Variants in ERMP1 observed in about 807,000 individuals in gnomAD.
The protein encoded by ERMP1 is Felix-ina.
ERMP1 carries 86 observed loss-of-function variants against 92.0 expected under a neutral mutation model. The observed-to-expected ratio is 0.93, with a 90% CI of 0.79 to 1.12. The LOEUF is 1.12. ERMP1 is among the 50% of genes most tolerant of loss of function. The pLI is 0.00. For synonymous variants in ERMP1, 530 were observed against 412.8 expected (o/e 1.28, Z -3.44); for missense variants, 1,342 against 1,116.3 (o/e 1.20, Z -2.88).
In ERMP1 at chr9:5,812,689, C is replaced by T. The variant is rs534067047; in HGVS notation, c.1021+200G>A. ...CCTGTTCTTCTATGGGGAAAGATGA[C>T]ATATTTTAGAGGAGGCCAGCATTTA... is the stretch of plus-strand genomic sequence containing the variant. On this transcript the variant is annotated intron_variant, in intron 5 of 14. Coordinates refer to ENST00000339450, the MANE Select transcript of ERMP1 (RefSeq NM_024896.3). The T allele has an allele frequency of 9.6e-5, 60 of 622,674 alleles. No homozygotes were observed. In the African/African-American group the frequency reaches 1.1e-3, roughly 11 times the overall value. The allele number at this position is 622,674 out of a possible 1,614,324, so 38.6% of individuals were successfully genotyped here. A position where few individuals can be genotyped will look rare whatever the true frequency, so the allele number is the denominator to read the frequency against.
chr9:5,824,356 C>G (rs945052522), intron 3 of ERMP1, among the ~76,000 whole-genome samples: 1 of 152,042 alleles, frequency 6.6e-6, no homozygotes, highest in Non-Finnish European at 1.5e-5. Flanking sequence ...GGAAGATCAC[C>G]CGAGCTCAGG....
At chr9:5,854,828 G>A (rs919305713) in intron 6 of ERMP1, among the ~76,000 whole-genome samples, 5 of 151,996 alleles carry the variant, frequency 3.3e-5, no homozygotes, top group African/African-American at 9.7e-5. Flanking sequence ...CACCCGGCCT[G>A]GTCTTATTAC....
At chr9:5,815,161 C>T (rs751393776) in intron 4 of ERMP1, among the ~76,000 whole-genome samples, 3 of 152,104 alleles carry the variant, frequency 2.0e-5, no homozygotes, top group Admixed American at 6.5e-5. Flanking sequence ...ATTCAAGCCA[C>T]GAATTCAAAA....
intron 5 of ERMP1, among the ~76,000 whole-genome samples, chr9:5,862,680 T>A (rs1830536757): frequency 6.6e-6 from 1 of 152,168 alleles, no homozygotes; most frequent in African/African-American, 2.4e-5. Context: ...TACATAACAT[T>A]GGTGCCTAAA....
At chr9:5,795,666 T>C (rs941403384) in intron 13 of ERMP1, among the ~76,000 whole-genome samples, 6 of 152,050 alleles carry the variant, frequency 3.9e-5, no homozygotes, top group Admixed American at 3.9e-4. Flanking sequence ...TATTCCCAGC[T>C]ACTTGGGAGG....
intron 2 of ERMP1, among the ~76,000 whole-genome samples, chr9:5,826,003 T>C (rs561526558): frequency 6.6e-6 from 1 of 152,280 alleles, no homozygotes; most frequent in South Asian, 2.1e-4. Context: ...TTTTTTTAGG[T>C]GAGGCAATTG....
intron 5 of ERMP1, among the ~76,000 whole-genome samples, chr9:5,861,419 T>C (rs1299594297): frequency 1.3e-5 from 2 of 152,100 alleles, no homozygotes; most frequent in African/African-American, 4.8e-5. Context: ...GCTGGGTTTT[T>C]TTTTACTATT....
chr9:5,813,429 T>C (rs1362123360), intron 4 of ERMP1, among the ~76,000 whole-genome samples: 1 of 152,218 alleles, frequency 6.6e-6, no homozygotes, highest in Non-Finnish European at 1.5e-5. Flanking sequence ...TTATATTAAA[T>C]GCATTTTCCT....
intron 6 of ERMP1, among the ~76,000 whole-genome samples, chr9:5,844,616 G>A (rs139718761): frequency 1.7e-4 from 26 of 152,296 alleles, no homozygotes; most frequent in African/African-American, 5.8e-4. Flanking sequence ...GAACTAAAGA[G>A]AAACTTCTGC....
At chr9:5,813,961 A>T (rs1385032915) in intron 4 of ERMP1, among the ~76,000 whole-genome samples, 1 of 151,600 alleles carries the variant, frequency 6.6e-6, no homozygotes, top group Non-Finnish European at 1.5e-5. Flanking sequence ...AGGATTATAC[A>T]TTCCTACTCT....
chr9:5,826,467 C>T (rs1829735531), intron 2 of ERMP1, among the ~76,000 whole-genome samples: 1 of 152,208 alleles, frequency 6.6e-6, no homozygotes, highest in Non-Finnish European at 1.5e-5. Context: ...CAGTGCCTAG[C>T]ACCTGGTAGG....
At chr9:5,831,404 G>C (rs1829934081) in intron 1 of ERMP1, among the ~76,000 whole-genome samples, 1 of 152,138 alleles carries the variant, frequency 6.6e-6, no homozygotes, top group Non-Finnish European at 1.5e-5. Flanking sequence ...TCAGGAGTTT[G>C]AGACCAGCCT....
intron 4 of ERMP1, among the ~76,000 whole-genome samples, chr9:5,822,297 A>C (rs373488983): frequency 2.8e-4 from 42 of 152,246 alleles, no homozygotes; most frequent in South Asian, 2.1e-3. Flanking sequence ...CTCTATAATA[A>C]TGTATCTACT....
intron 6 of ERMP1, chr9:5,856,054 A>G: frequency 2.6e-6 from 1 of 386,228 alleles, no homozygotes; most frequent in South Asian, 2.4e-5. Context: ...CCCTGCTGCA[A>G]GGAGGGTGAA....
At chr9:5,860,130 C>G (rs1348571824) in intron 5 of ERMP1, among the ~76,000 whole-genome samples, 4 of 52,228 alleles carry the variant, frequency 7.7e-5, no homozygotes, top group South Asian at 1.3e-3. Context: ...GACCTTGTCT[C>G]TACCAAAAAA....
At position 5,861,170 on chromosome 9, in the gene ERMP1, G is replaced by GGGGTGT. The variant is rs1554630170; in HGVS notation, n.3056-1560_3056-1559insACACCC. 1.9e-4 allele frequency among the ~76,000 whole-genome samples: 19 copies of GGGGTGT among 102,140 alleles called. 1 individual carries two copies. Among genetic ancestry groups the GGGGTGT allele is most frequent in the East Asian group, 1.3e-3 (3 of 2,272 alleles). 67.0% of individuals were successfully genotyped at this position (102,140 alleles called of 152,430 possible). The stretch of plus-strand genomic sequence containing the variant: ...GCAGTGAACCCACAATGGCTTAGGG[G>GGGGTGT]GTGTGTGTGTGTGTGTGTGTGTGTG... On this transcript the variant is annotated intron_variant and non_coding_transcript_variant, in intron 5 of 6. Coordinates refer to the ERMP1 transcript ENST00000690753.
rs146473341 is a variant in ERMP1 at position 5,813,026 on chromosome 9, T to C, written c.884A>G (p.Asn295Ser). 5 of 1,613,892 alleles carry C rather than the reference T, an allele frequency of 3.1e-6. No homozygotes were observed. In the African/African-American group the frequency reaches 6.7e-5, roughly 22 times the overall value. Residue 295 changes from asparagine to serine, a missense_variant, in exon 5 of 15, where the codon AAT becomes AGT. Physicochemically the swap from Asn to Ser is conservative, Grantham distance 46 (BLOSUM62 1). Transcript: ENST00000339450. Reference sequence around the variant, plus strand: ...AACATAAGCTTGAACCAACCAAGGATTTTCAGGACCTAAAATGAAAGATGA... The same window carrying C: ...AACATAAGCTTGAACCAACCAAGGACTTTCAGGACCTAAAATGAAAGATGA... ...KELVFQTGPE[N>S]PWLVQAYVSA...
In ERMP1 at chr9:5,824,285, C is replaced by G. The variant is rs544961289; in HGVS notation, c.769-284G>C. Among the ~76,000 whole-genome samples the G allele has an allele frequency of 6.6e-5, 10 of 152,224 alleles. No individual in the cohort carries two copies. The South Asian group carries it at 2.1e-3, about 32-fold the overall frequency. The stretch of plus-strand genomic sequence containing the variant: ...GTACAAGGCTGTGCAAAAGAAAAGG[C>G]AAAGAGGGCCAGGCACGGTGGCTCA... On this transcript the variant is annotated intron_variant, in intron 3 of 14. Coordinates refer to ENST00000339450, the MANE Select transcript of ERMP1 (RefSeq NM_024896.3).
rs1337153760 is a variant in ERMP1 at position 5,785,696 on chromosome 9, C to G, written c.*1448G>C. Reference sequence around the variant, plus strand: ...GCAATGCATACTTACTGTGCTCTTTCTATTCAGACAGATCCACAGACCACC... The same window carrying G: ...GCAATGCATACTTACTGTGCTCTTTGTATTCAGACAGATCCACAGACCACC... On this transcript the variant is annotated 3_prime_UTR_variant, in exon 15 of 15. Transcript: ENST00000339450. 5 of 152,786 alleles carry G rather than the reference C, an allele frequency of 3.3e-5. No individual in the cohort carries two copies. Among genetic ancestry groups the G allele is most frequent in the Non-Finnish European group, 7.3e-5 (5 of 68,044 alleles). The allele number at this position is 152,786 out of a possible 1,614,324, so 9.5% of individuals were successfully genotyped here. A position where few individuals can be genotyped will look rare whatever the true frequency, so the allele number is the denominator to read the frequency against.
Sources: gnomAD v4.1 joint callset for allele counts (sites outside exome capture counted in the v4.1 genomes callset) on GRCh38, gnomAD v4.1.1 for gene constraint, MANE v1.5 for transcripts, NCBI Gene and HGNC (gene_info 2026-07-23, HGNC 2026-07-21) for gene names.